The following FGGY variants were observed in gnomAD, a reference collection of about 807,000 sequenced individuals.
The protein encoded by FGGY is FGGY carbohydrate kinase domain-containing protein.
In FGGY, 72 loss-of-function variants were observed where a neutral mutation model predicts 71.3. The observed-to-expected ratio is 1.01, with a 90% confidence interval of 0.84 to 1.23. The LOEUF is 1.23. Among genes scored for constraint, FGGY ranks in the 50% most tolerant of loss-of-function variants. FGGY has a pLI of 0.00. For missense variants in FGGY, 668 were observed against 682.3 expected, an observed-to-expected ratio of 0.98 and a Z score of 0.23; for synonymous variants, 251 against 250.3, an observed-to-expected ratio of 1.00 and a Z score of -0.02.
intron 5 of FGGY, among the ~76,000 whole-genome samples, chr1:59,384,355 C>A (rs1241739396): frequency 6.6e-6 from 1 of 152,090 alleles, no homozygotes; most frequent in East Asian, 1.9e-4. Flanking sequence ...TTCCCTTGGC[C>A]CACTTACAGC....
chr1:59,551,860 C>G (rs370712848), intron 7 of FGGY, among the ~76,000 whole-genome samples: 30 of 152,034 alleles, frequency 2.0e-4, no homozygotes, highest in African/African-American at 7.0e-4. Flanking sequence ...AAAATGAGCT[C>G]ATATCTTGGG....
intron 8 of FGGY, among the ~76,000 whole-genome samples, chr1:59,597,943 A>G (rs1299821150): frequency 6.6e-6 from 1 of 152,206 alleles, no homozygotes; most frequent in African/African-American, 2.4e-5. Context: ...CTGACTCAGG[A>G]TCCACCTCAC....
chr1:59,584,997 C>G (rs2153765392), intron 8 of FGGY, among the ~76,000 whole-genome samples: 1 of 152,192 alleles, frequency 6.6e-6, no homozygotes, highest in East Asian at 1.9e-4. Flanking sequence ...GAACTACAAA[C>G]CACTGCTCAA....
rs143769387 is a variant in FGGY at position 59,630,090 on chromosome 1, A to AAG, written c.1073+4049_1073+4050dup. On this transcript the variant is annotated intron_variant, in intron 10 of 15. Coordinates refer to ENST00000303721, the MANE Select transcript of FGGY (RefSeq NM_018291.5). The stretch of plus-strand genomic sequence containing the variant: ...AACACATCCTTCTTCACATGGTGGC[A>AAG]AGAGAGAGAAGTGCTGAGCAAAAGG... 8.2e-3 allele frequency among the ~76,000 whole-genome samples: 1,252 copies of AAG among 152,236 alleles called. 22 individuals are homozygous for AAG. Among genetic ancestry groups the AAG allele is most frequent in the African/African-American group, 0.029 (1,192 of 41,528 alleles).
intron 6 of FGGY, among the ~76,000 whole-genome samples, chr1:59,485,793 C>T (rs2093640663): frequency 6.6e-6 from 1 of 152,138 alleles, no homozygotes; most frequent in Non-Finnish European, 1.5e-5. Context: ...ACTCATTCAA[C>T]AGTCTTTCTA....
chr1:59,551,319 C>T (rs1480274572), intron 7 of FGGY, among the ~76,000 whole-genome samples: 2 of 152,144 alleles, frequency 1.3e-5, no homozygotes, highest in Non-Finnish European at 2.9e-5. Flanking sequence ...AGTGAATCTG[C>T]CAACCCAAGA....
intron 7 of FGGY, among the ~76,000 whole-genome samples, chr1:59,523,945 G>T (rs1384368811): frequency 6.6e-6 from 1 of 152,236 alleles, no homozygotes; most frequent in Non-Finnish European, 1.5e-5. Context: ...GCCAGAACAG[G>T]TGGGAGCCCT....
intron 8 of FGGY, among the ~76,000 whole-genome samples, chr1:59,573,603 A>G (rs1485544417): frequency 6.6e-6 from 1 of 152,214 alleles, no homozygotes; most frequent in South Asian, 2.1e-4. Flanking sequence ...CTATTTCATA[A>G]GTGTTAAATC....
intron 8 of FGGY, among the ~76,000 whole-genome samples, chr1:59,605,689 C>G (rs147603444): frequency 0.01 from 1,583 of 152,200 alleles, 15 homozygotes; most frequent in Non-Finnish European, 0.018. Flanking sequence ...TCCTTCCCCC[C>G]CTTCCCATTT....
At chr1:59,473,748 A>G (rs1021519176) in intron 6 of FGGY, among the ~76,000 whole-genome samples, 1 of 152,190 alleles carries the variant, frequency 6.6e-6, no homozygotes. Flanking sequence ...GAGTCACTCT[A>G]TTCCTTTCAA....
chr1:59,457,329 C>T (rs1426793712), intron 6 of FGGY, among the ~76,000 whole-genome samples: 4 of 151,940 alleles, frequency 2.6e-5, no homozygotes, highest in Non-Finnish European at 5.9e-5. Flanking sequence ...TCAGAAATTG[C>T]GCTGGGCATG....
At chr1:59,663,229 A>G (rs1274308835) in intron 12 of FGGY, among the ~76,000 whole-genome samples, 1 of 152,194 alleles carries the variant, frequency 6.6e-6, no homozygotes, top group Non-Finnish European at 1.5e-5. Context: ...GCCGAGGTCA[A>G]ACAGCTAGAG....
chr1:59,521,226 C>T (rs781227360), intron 7 of FGGY, among the ~76,000 whole-genome samples: 46 of 152,114 alleles, frequency 3.0e-4, no homozygotes, highest in Non-Finnish European at 5.1e-4. Flanking sequence ...TTTAATGCGA[C>T]CCACTACTGC....
At chr1:59,561,590 A>G (rs938406981) in intron 8 of FGGY, among the ~76,000 whole-genome samples, 5 of 152,212 alleles carry the variant, frequency 3.3e-5, no homozygotes, top group Non-Finnish European at 7.3e-5. Flanking sequence ...ATAAGCAGTA[A>G]TACTACTTGC....
chr1:59,359,808 G>A (rs958427327), intron 4 of FGGY, among the ~76,000 whole-genome samples: 1 of 152,158 alleles, frequency 6.6e-6, no homozygotes, highest in Non-Finnish European at 1.5e-5. Flanking sequence ...AGCTACATCA[G>A]TGTAGCTTCT....
chr1:59,324,893 C>T (rs1269238494), intron 2 of FGGY, among the ~76,000 whole-genome samples: 1 of 152,192 alleles, frequency 6.6e-6, no homozygotes, highest in East Asian at 1.9e-4. Context: ...TGTGTGCCCC[C>T]TCAGCAGGGG....
intron 4 of FGGY, among the ~76,000 whole-genome samples, chr1:59,349,912 T>G (rs192819830): frequency 0.024 from 3,703 of 152,224 alleles, 168 homozygotes; most frequent in African/African-American, 0.085. Context: ...TATTTCTAAC[T>G]CAAGTTCACG....
chr1:59,539,504 G>A (rs150525174), intron 7 of FGGY, among the ~76,000 whole-genome samples: 55 of 152,278 alleles, frequency 3.6e-4, no homozygotes, highest in African/African-American at 1.2e-3. Flanking sequence ...GAGCTGTAAG[G>A]AAGCAATGTA....
chr1:59,540,792 G>A (rs35655643), intron 7 of FGGY, among the ~76,000 whole-genome samples: 15,296 of 152,180 alleles, frequency 0.1, 919 homozygotes, highest in South Asian at 0.28. Flanking sequence ...GAGGTGAGTG[G>A]TAATTAATAA....
Sources: gnomAD v4.1 joint callset for allele counts (sites outside exome capture counted in the v4.1 genomes callset) on GRCh38, gnomAD v4.1.1 for gene constraint, MANE v1.5 for transcripts, NCBI Gene and HGNC (gene_info 2026-07-23, HGNC 2026-07-21) for gene names.